The following PRKN variants were observed in gnomAD, a reference collection of about 807,000 sequenced individuals.
The protein encoded by PRKN is parkin RBR E3 ubiquitin protein ligase, also known as E3 ubiquitin-protein ligase parkin.
PRKN carries 56 observed loss-of-function variants against 59.5 expected under a neutral mutation model. That is an observed-to-expected ratio of 0.94 (90% CI 0.76 to 1.18). PRKN has a LOEUF of 1.18. PRKN is among the 50% of genes most tolerant of loss of function. PRKN has a pLI of 0.00. For synonymous variants in PRKN, 250 were observed against 222.1 expected, an observed-to-expected ratio of 1.13 and a Z score of -1.12; for missense variants, 657 against 596.4, an observed-to-expected ratio of 1.10 and a Z score of -1.06.
At chr6:162,520,075 C>G (rs947379679) in intron 1 of PRKN, among the ~76,000 whole-genome samples, 15 of 151,904 alleles carry the variant, frequency 9.9e-5, no homozygotes, top group African/African-American at 3.6e-4. Context: ...CATAGTGAGA[C>G]CCTCATCTCT....
At chr6:162,694,113 G>A (rs1777880735) in intron 1 of PRKN, among the ~76,000 whole-genome samples, 1 of 151,998 alleles carries the variant, frequency 6.6e-6, no homozygotes, top group Non-Finnish European at 1.5e-5. Flanking sequence ...CAGGCATGGT[G>A]GCGGGCACCT....
intron 1 of PRKN, among the ~76,000 whole-genome samples, chr6:162,711,498 A>C (rs1452308227): frequency 6.6e-6 from 1 of 151,708 alleles, no homozygotes; most frequent in Non-Finnish European, 1.5e-5. Flanking sequence ...TGCCACCAAC[A>C]GCATCTCCCA....
intron 4 of PRKN, among the ~76,000 whole-genome samples, chr6:162,184,521 T>A (rs1783939032): frequency 6.6e-6 from 1 of 152,172 alleles, no homozygotes; most frequent in Non-Finnish European, 1.5e-5. Flanking sequence ...GGCTTCTCCC[T>A]TCGTGCGGTT....
chr6:161,500,173 T>G (rs1777905067), intron 9 of PRKN, among the ~76,000 whole-genome samples: 1 of 152,232 alleles, frequency 6.6e-6, no homozygotes, highest in Non-Finnish European at 1.5e-5. Context: ...AAAGACAGTT[T>G]AATTTCACGG....
At chr6:161,994,976 T>G (rs549485271) in intron 5 of PRKN, among the ~76,000 whole-genome samples, 1 of 147,614 alleles carries the variant, frequency 6.8e-6, no homozygotes, top group Non-Finnish European at 1.5e-5. Context: ...AGACCCTGAG[T>G]AGCCAAAGCA....
At chr6:162,703,127 C>T (rs1332268715) in intron 1 of PRKN, among the ~76,000 whole-genome samples, 1 of 151,642 alleles carries the variant, frequency 6.6e-6, no homozygotes, top group Non-Finnish European at 1.5e-5. Flanking sequence ...AATAGAGTGG[C>T]AACAAAAAAA....
chr6:162,305,034 C>A (rs951999354), intron 2 of PRKN, among the ~76,000 whole-genome samples: 3 of 152,084 alleles, frequency 2.0e-5, no homozygotes, highest in African/African-American at 7.2e-5. Flanking sequence ...AACAACAAAG[C>A]CAACTAGAGA....
At chr6:161,501,801 C>T (rs1326780757) in intron 9 of PRKN, among the ~76,000 whole-genome samples, 1 of 152,132 alleles carries the variant, frequency 6.6e-6, no homozygotes, top group African/African-American at 2.4e-5. Context: ...TTGTGTGGGT[C>T]TATAAACCAA....
chr6:162,350,432 A>G (rs1038547676), intron 2 of PRKN, among the ~76,000 whole-genome samples: 1 of 152,216 alleles, frequency 6.6e-6, no homozygotes, highest in Admixed American at 6.5e-5. Context: ...AAATTTTTAG[A>G]ACTAATCAAG....
At position 161,480,934 on chromosome 6, in the gene PRKN, T is replaced by C. The variant is rs1791360882; in HGVS notation, c.1083+67920A>G. Among the ~76,000 whole-genome samples the C allele has an allele frequency of 6.6e-6, 1 of 152,188 alleles. No homozygotes were observed. Among genetic ancestry groups the C allele is most frequent in the South Asian group, 2.1e-4 (1 of 4,834 alleles). ...AAGGAAAGCTGATGGTGCAGCTTTCTCCATGGTAACCGGGCAAGGAGAAAA... is the reference window on the plus strand; with the variant it reads ...AAGGAAAGCTGATGGTGCAGCTTTCCCCATGGTAACCGGGCAAGGAGAAAA... On this transcript the variant is annotated intron_variant, in intron 9 of 11. Transcript: ENST00000366898. This position sits in a 1 kb window ranked among gnomAD's most constrained non-coding sequence, Gnocchi z 4.1.
At chr6:162,197,575 A>G (rs1302058571) in intron 4 of PRKN, among the ~76,000 whole-genome samples, 1 of 152,216 alleles carries the variant, frequency 6.6e-6, no homozygotes, top group East Asian at 1.9e-4. Context: ...GGCCAGGGCT[A>G]TGGAAAAATA....
In PRKN at chr6:161,821,719, C is replaced by CTTTTTTTTT. The variant is rs531807176; in HGVS notation, c.735-35820_735-35812dup. Among the ~76,000 whole-genome samples, 28 of 64,702 alleles carry CTTTTTTTTT rather than the reference C, an allele frequency of 4.3e-4. 1 individual carries two copies. Among genetic ancestry groups the CTTTTTTTTT allele is most frequent in the East Asian group, 1.5e-3 (3 of 1,944 alleles). 42.4% of individuals were successfully genotyped at this position (64,702 alleles called of 152,430 possible). On this transcript the variant is annotated intron_variant, in intron 6 of 11. Transcript: ENST00000366898. ...TTTGGAAAATATTTCCACTGGTGTT[C>CTTTTTTTTT]TTTTTTTTTTTTTTTTTTTTTTTTT...
intron 2 of PRKN, among the ~76,000 whole-genome samples, chr6:162,302,104 G>A (rs557711409): frequency 6.6e-6 from 1 of 152,162 alleles, no homozygotes; most frequent in Admixed American, 6.5e-5. Context: ...CAGCCGATAA[G>A]CAAGTCTTAC....
intron 7 of PRKN, among the ~76,000 whole-genome samples, chr6:161,774,366 C>T (rs1789822435): frequency 6.9e-6 from 1 of 145,854 alleles, no homozygotes; most frequent in South Asian, 2.2e-4. Flanking sequence ...CCTCCCCCAT[C>T]CTTTCTACTC....
At position 161,479,022 on chromosome 6, in the gene PRKN, A is replaced by G. The variant is rs142187742; in HGVS notation, c.1083+69832T>C. Among the ~76,000 whole-genome samples, 448 of 152,364 alleles carry G rather than the reference A, an allele frequency of 2.9e-3. 3 individuals are homozygous for G. Among genetic ancestry groups the G allele is most frequent in the African/African-American group, 0.01 (431 of 41,590 alleles). On this transcript the variant is annotated intron_variant, in intron 9 of 11. Transcript: ENST00000366898. ...TGAAAACAATTTATACATAGAGTGTAACAATTTGGATGAAAGAAAAAAGAT... is the reference window on the plus strand; with the variant it reads ...TGAAAACAATTTATACATAGAGTGTGACAATTTGGATGAAAGAAAAAAGAT...
chr6:161,738,922 C>T (rs772934605), intron 7 of PRKN, among the ~76,000 whole-genome samples: 30 of 152,084 alleles, frequency 2.0e-4, no homozygotes, highest in Non-Finnish European at 4.0e-4. Context: ...AGAGAACTGA[C>T]AAAAAATAAT....
At chr6:162,117,774 T>C (rs966069550) in intron 4 of PRKN, among the ~76,000 whole-genome samples, 36 of 152,312 alleles carry the variant, frequency 2.4e-4, no homozygotes, top group African/African-American at 8.7e-4. Flanking sequence ...TCTGAGTGAA[T>C]GCAACTGATG....
intron 2 of PRKN, among the ~76,000 whole-genome samples, chr6:162,267,687 T>C (rs1780200596): frequency 6.6e-6 from 1 of 152,174 alleles, no homozygotes; most frequent in Non-Finnish European, 1.5e-5. Context: ...CCGGGTTTGG[T>C]CTTACACTGT....
At chr6:161,424,761 C>G (rs1177504407) in intron 9 of PRKN, among the ~76,000 whole-genome samples, 1 of 152,082 alleles carries the variant, frequency 6.6e-6, no homozygotes, top group Non-Finnish European at 1.5e-5. Context: ...CCACTGTGAG[C>G]AATCAAAGTA....
Sources: gnomAD v4.1 joint callset for allele counts (sites outside exome capture counted in the v4.1 genomes callset) on GRCh38, gnomAD v4.1.1 for gene constraint, Gnocchi (gnomAD v3.1) non-coding constraint, MANE v1.5 for transcripts, NCBI Gene and HGNC (gene_info 2026-07-23, HGNC 2026-07-21) for gene names.